The following TENM3 variants were observed in gnomAD, a reference collection of about 807,000 sequenced individuals.
TENM3 encodes teneurin-3.
TENM3 carries 63 observed loss-of-function variants against 255.1 expected under a neutral mutation model. That is an observed-to-expected ratio of 0.25 (90% CI 0.20 to 0.30). The LOEUF is 0.30. TENM3 is among the 10% of genes least tolerant of loss of function. The pLI, the probability that TENM3 is intolerant of heterozygous loss-of-function variation, is 1.00. For synonymous variants in TENM3, 1,306 were observed against 1,322.3 expected, an observed-to-expected ratio of 0.99 and a Z score of 0.27; for missense variants, 2,929 against 3,461.1, an observed-to-expected ratio of 0.85 and a Z score of 3.86.
the TENM3 span, among the ~76,000 whole-genome samples, chr4:181,914,952 C>A: frequency 3.9e-5 from 6 of 152,102 alleles, no homozygotes; most frequent in African/African-American, 1.4e-4. Context: ...GTGACCTGTC[C>A]ATTTACAGAT....
At chr4:182,615,028 G>GA (rs751141011) in intron 4 of TENM3, among the ~76,000 whole-genome samples, 18,816 of 88,852 alleles carry the variant, frequency 0.21, 1,851 homozygotes, top group East Asian at 0.48. Flanking sequence ...ATGTTTCTCA[G>GA]AAAAAAAAAA....
intron 2 of TENM3, among the ~76,000 whole-genome samples, chr4:182,328,953 T>A (rs190750452): frequency 3.5e-4 from 54 of 152,240 alleles, no homozygotes; most frequent in Middle Eastern, 3.4e-3. Context: ...CGCTAGCCCA[T>A]CTTGTATGCA....
chr4:181,465,549 T>C, the TENM3 span, among the ~76,000 whole-genome samples: 1 of 152,208 alleles, frequency 6.6e-6, no homozygotes, highest in African/African-American at 2.4e-5. Context: ...TTTAGAATTA[T>C]GAAAATATGC....
intron 2 of TENM3, among the ~76,000 whole-genome samples, chr4:182,330,468 A>G (rs1478744033): frequency 6.6e-6 from 1 of 152,166 alleles, no homozygotes; most frequent in Admixed American, 6.5e-5. Context: ...CACCTCTTGG[A>G]TGAGGGTCTT....
chr4:181,787,236 A>T, the TENM3 span, among the ~76,000 whole-genome samples: 1 of 151,948 alleles, frequency 6.6e-6, no homozygotes, highest in Admixed American at 6.6e-5. Context: ...GACAGAACAG[A>T]CTCTTTGTGG....
At chr4:181,850,012 T>G in the TENM3 span, among the ~76,000 whole-genome samples, 1 of 137,254 alleles carries the variant, frequency 7.3e-6, no homozygotes, top group South Asian at 2.5e-4. Flanking sequence ...CCCCCGACCT[T>G]GAATATTCCT....
chr4:182,063,262 T>C, the TENM3 span, among the ~76,000 whole-genome samples: 1 of 152,194 alleles, frequency 6.6e-6, no homozygotes, highest in Non-Finnish European at 1.5e-5. Flanking sequence ...AAAAAGTGCA[T>C]AGTAGTTTAT....
the TENM3 span, among the ~76,000 whole-genome samples, chr4:181,740,984 G>A: frequency 6.6e-6 from 1 of 152,146 alleles, no homozygotes; most frequent in South Asian, 2.1e-4. Context: ...AAGCTGAAGT[G>A]GAGAAAAATT....
At chr4:182,280,201 G>A (rs2150265864) in intron 1 of TENM3, among the ~76,000 whole-genome samples, 1 of 152,332 alleles carries the variant, frequency 6.6e-6, no homozygotes, top group East Asian at 1.9e-4. Context: ...CGACTTTAGT[G>A]AGGCCCCTGC....
chr4:181,772,740 T>C, the TENM3 span, among the ~76,000 whole-genome samples: 1 of 152,178 alleles, frequency 6.6e-6, no homozygotes, highest in African/African-American at 2.4e-5. Flanking sequence ...TGAAATCACG[T>C]CATCATCAGC....
the TENM3 span, among the ~76,000 whole-genome samples, chr4:181,800,963 A>G: frequency 6.6e-6 from 1 of 152,238 alleles, no homozygotes. Context: ...CTGTTGCAGT[A>G]TAACTGCTGG....
intron 4 of TENM3, among the ~76,000 whole-genome samples, chr4:182,615,051 A>ATG (rs1447620393): frequency 1.6e-5 from 2 of 124,296 alleles, no homozygotes; most frequent in Admixed American, 9.2e-5. Context: ...AAATACATAT[A>ATG]TATATATATA....
At position 182,769,656 on chromosome 4, in the gene TENM3, C is replaced by T. The variant is rs575956147; in HGVS notation, c.4893-3816C>T. 6.0e-3 allele frequency among the ~76,000 whole-genome samples: 909 copies of T among 151,982 alleles called. 4 individuals carry two copies. The highest frequency in any genetic ancestry group is 0.01 in the Non-Finnish European group (705 of 67,960). On this transcript the variant is annotated intron_variant, in intron 22 of 27. Transcript: ENST00000511685. Reference sequence around the variant, plus strand: ...AAAAAATTACAGAAACAGTGGCAGGCGCCTGTAATCCTAGCTACTCAGGAG... The same window carrying T: ...AAAAAATTACAGAAACAGTGGCAGGTGCCTGTAATCCTAGCTACTCAGGAG...
At chr4:182,674,767 G>A (rs1388818639) in intron 7 of TENM3, among the ~76,000 whole-genome samples, 1 of 152,070 alleles carries the variant, frequency 6.6e-6, no homozygotes, top group African/African-American at 2.4e-5. Context: ...GTAGAGATGT[G>A]GTTTCACCAT....
the TENM3 span, among the ~76,000 whole-genome samples, chr4:182,022,077 G>T: frequency 2.0e-5 from 3 of 151,472 alleles, no homozygotes; most frequent in Non-Finnish European, 2.9e-5. Context: ...CCACCAAATT[G>T]TTCTGCACTC....
Position 182,218,947 on chromosome 4 carries a change from G to A in TENM3, c.-76+74193G>A, listed in dbSNP as rs560975616. Among the ~76,000 whole-genome samples, 685 of 152,270 alleles carry A rather than the reference G, an allele frequency of 4.5e-3. 3 individuals are homozygous for A. The highest frequency in any genetic ancestry group is 8.1e-3 in the Non-Finnish European group (550 of 68,012). ...TCTTTTTTAAAAACCATAATAGGCC[G>A]GGTGCAGAGGTTCACGCCTGTAATC... On this transcript the variant is annotated intron_variant, in intron 1 of 2. Coordinates refer to the TENM3 transcript ENST00000512480.
intron 2 of TENM3, among the ~76,000 whole-genome samples, chr4:182,344,799 G>C (rs1315188121): frequency 6.6e-6 from 1 of 152,010 alleles, no homozygotes; most frequent in East Asian, 1.9e-4. Context: ...GAGTCCTCCC[G>C]TATGTTACAA....
intron 3 of TENM3, among the ~76,000 whole-genome samples, chr4:182,599,136 A>G (rs933057888): frequency 6.6e-5 from 10 of 152,208 alleles, no homozygotes; most frequent in African/African-American, 1.9e-4. Flanking sequence ...ATTTCTTGAA[A>G]TGTACCTTAA....
chr4:182,633,354 C>T (rs888833566), intron 5 of TENM3, among the ~76,000 whole-genome samples: 1 of 152,238 alleles, frequency 6.6e-6, no homozygotes, highest in African/African-American at 2.4e-5. Context: ...ATTAGCTCTT[C>T]ATTCTAGACG....
Sources: gnomAD v4.1 joint callset for allele counts (sites outside exome capture counted in the v4.1 genomes callset) on GRCh38, gnomAD v4.1.1 for gene constraint, MANE v1.5 for transcripts, NCBI Gene and HGNC (gene_info 2026-07-23, HGNC 2026-07-21) for gene names.